The following ANKRD7 variants were observed in gnomAD, a reference collection of about 807,000 sequenced individuals.
ANKRD7 encodes the protein ankyrin repeat domain-containing protein 7.
Under a neutral mutation model 30.8 loss-of-function variants are expected in ANKRD7, and 30 were observed. The ratio of observed to expected loss-of-function variants is 0.97; its 90% CI spans 0.73 to 1.32. The LOEUF (loss-of-function observed/expected upper bound fraction) is 1.32. Among genes scored for constraint, ANKRD7 ranks in the 40% most tolerant of loss-of-function variants. The probability of loss-of-function intolerance (pLI) is 0.00; values close to 1 mark genes in which losing one functional copy is unlikely to be tolerated. For synonymous variants in ANKRD7, 97 were observed against 106.6 expected (o/e 0.91, Z 0.55); for missense variants, 264 against 295.7 (o/e 0.89, Z 0.79).
intron 1 of ANKRD7, among the ~76,000 whole-genome samples, chr7:118,225,486 C>CA (rs60691080): frequency 0.044 from 5,490 of 124,176 alleles, 241 homozygotes; most frequent in African/African-American, 0.12. Flanking sequence ...AGACTCATCT[C>CA]AAAAAAAAAA....
chr7:118,239,860 G>C, intron 5 of ANKRD7, 49 bp from the exon 6 acceptor site: 1 of 1,272,614 alleles, frequency 7.9e-7, no homozygotes, highest in Non-Finnish European at 1.1e-6. Flanking sequence ...TATATGTTAG[G>C]AATTAAATTT....
chr7:118,235,849 T>C (rs1809719334), intron 3 of ANKRD7, among the ~76,000 whole-genome samples, 192 bp from the exon 4 acceptor site: 2 of 152,146 alleles, frequency 1.3e-5, no homozygotes, highest in Admixed American at 6.5e-5. Flanking sequence ...GGAACTTAAA[T>C]TTTTTTGTCT....
At chr7:118,238,076 T>C (rs1317623608) in intron 5 of ANKRD7, among the ~76,000 whole-genome samples, 3 of 152,154 alleles carry the variant, frequency 2.0e-5, no homozygotes, top group East Asian at 1.9e-4. Context: ...AAAATACTTA[T>C]TTACATATAT....
intron 5 of ANKRD7, among the ~76,000 whole-genome samples, chr7:118,238,018 A>G (rs534473285): frequency 2.0e-5 from 3 of 152,124 alleles, no homozygotes; most frequent in Non-Finnish European, 4.4e-5. Context: ...AGACACATGT[A>G]TCTGTTTAGT....
chr7:118,232,310 GT>G (rs554912760), intron 1 of ANKRD7, among the ~76,000 whole-genome samples: 35 of 150,932 alleles, frequency 2.3e-4, no homozygotes, highest in South Asian at 1.7e-3. Flanking sequence ...AAACATTTTG[GT>G]TTTTTTTTAA....
chr7:118,234,635 C>CA (rs1809696493), intron 2 of ANKRD7, 66 bp from the exon 3 acceptor site: 2 of 1,556,616 alleles, frequency 1.3e-6, no homozygotes, highest in Non-Finnish European at 1.7e-6. Context: ...AACATAGTAT[C>CA]AAACATTAAT....
intron 1 of ANKRD7, chr7:118,228,051 GC>G (rs1452006936): frequency 3.9e-6 from 5 of 1,290,660 alleles, no homozygotes; most frequent in Non-Finnish European, 5.1e-6. Context: ...TACCTTGCTG[GC>G]CTGTCAGCAA....
intron 1 of ANKRD7, among the ~76,000 whole-genome samples, chr7:118,230,298 G>T (rs1456121507): frequency 6.6e-6 from 1 of 151,964 alleles, no homozygotes; most frequent in Non-Finnish European, 1.5e-5. Context: ...ATGGGGGAAT[G>T]GTGGGATGGG....
intron 1 of ANKRD7, among the ~76,000 whole-genome samples, chr7:118,231,795 G>A (rs1199733421): frequency 6.6e-6 from 1 of 152,032 alleles, no homozygotes; most frequent in East Asian, 1.9e-4. Context: ...CGATATATGA[G>A]AGAGTGAGAG....
At chr7:118,225,806 A>T (rs3808174) in intron 1 of ANKRD7, among the ~76,000 whole-genome samples, 23,945 of 152,082 alleles carry the variant, frequency 0.16, 3,600 homozygotes, top group African/African-American at 0.38. Context: ...TGGACAGAGG[A>T]TGATTTTTTT....
intron 4 of ANKRD7, 30 bp from the exon 5 acceptor site, chr7:118,236,760 A>T (rs558514279): frequency 7.5e-6 from 12 of 1,604,002 alleles, no homozygotes; most frequent in Middle Eastern, 1.7e-4. Context: ...AGATCTTTAC[A>T]TGGGCATTCA....
chr7:118,226,337 C>G (rs1809541002), intron 1 of ANKRD7, among the ~76,000 whole-genome samples: 1 of 151,568 alleles, frequency 6.6e-6, no homozygotes, highest in South Asian at 2.1e-4. Flanking sequence ...AACCCTTGAA[C>G]AATGTAGGGG....
intron 3 of ANKRD7, among the ~76,000 whole-genome samples, chr7:118,235,602 ACT>A (rs1327796895): frequency 7.4e-6 from 1 of 135,666 alleles, no homozygotes; most frequent in Non-Finnish European, 1.5e-5. Context: ...ACAGAGCAAG[ACT>A]CTGTCTCAAA....
intron 1 of ANKRD7, among the ~76,000 whole-genome samples, chr7:118,231,976 GA>G (rs1809648050): frequency 6.6e-6 from 1 of 152,186 alleles, no homozygotes; most frequent in South Asian, 2.1e-4. Context: ...ATGTATTCAT[GA>G]AAGTTAAGGA....
chr7:118,236,040 G>T lies in ANKRD7; in HGVS notation c.469-1G>T. On this transcript the variant is annotated splice_acceptor_variant, in intron 3 of 6. Coordinates refer to ENST00000265224, the MANE Select transcript of ANKRD7 (RefSeq NM_019644.4). LOFTEE classifies it high-confidence loss of function. ...TAATCATTTTTAAATATTTTTTTCA[G>T]GATGGGTATACTCCACTATTAGTTG... The T allele has an allele frequency of 6.7e-7, 1 of 1,483,292 alleles. No homozygotes were observed. The highest frequency in any genetic ancestry group is 9.2e-7 in the Non-Finnish European group (1 of 1,085,040). The allele number at this position is 1,483,292 out of a possible 1,614,324, so 91.9% of individuals were successfully genotyped here.
At chr7:118,237,603 TTTTA>T (rs1809751513) in intron 5 of ANKRD7, among the ~76,000 whole-genome samples, 1 of 151,994 alleles carries the variant, frequency 6.6e-6, no homozygotes, top group South Asian at 2.1e-4. Context: ...TTTTTTCAGT[TTTTA>T]TTATTCTTCT....
chr7:118,239,708 A>T, intron 5 of ANKRD7: 1 of 344,186 alleles, frequency 2.9e-6, no homozygotes, highest in Non-Finnish European at 5.3e-6. Context: ...GATAGCAGGA[A>T]GAAAAGAGGT....
chr7:118,240,353 C>T (rs959000665), intron 6 of ANKRD7, among the ~76,000 whole-genome samples: 5 of 151,940 alleles, frequency 3.3e-5, no homozygotes, highest in Non-Finnish European at 5.9e-5. Flanking sequence ...TGATATTCCC[C>T]TTCCTGTGTC....
rs1037921153 is a variant in ANKRD7 at position 118,224,935 on chromosome 7, C to T, written c.105C>T (p.Val35=). 8.7e-6 allele frequency: 14 copies of T among 1,613,898 alleles called. No individual in the cohort carries two copies. The highest frequency in any genetic ancestry group is 5.0e-5 in the Admixed American group (3 of 59,992). ...AGAAACTTCACAGAGCTGCTTCAGT[C>T]GGGGATTTGAAGAAGCTGAAGGAAT... ...DLKKLHRAAS[V]GDLKKLKEYL... is the part of the protein sequence containing the mutation. Residue 35 remains valine (V), a synonymous_variant, in exon 1 of 7, where the codon GTC becomes GTT. Transcript: ENST00000265224.
Sources: allele counts gnomAD v4.1 joint callset (sites outside exome capture counted in the v4.1 genomes callset), GRCh38; gene constraint gnomAD v4.1.1; transcripts MANE v1.5; gene names NCBI Gene and HGNC (gene_info 2026-07-23, HGNC 2026-07-21).